The following HLCS variants were observed in gnomAD, a reference collection of about 807,000 sequenced individuals.
The protein encoded by HLCS is holocarboxylase synthetase, also known as biotin--protein ligase.
A neutral mutation model predicts 75.0 loss-of-function variants in HLCS; 53 were observed. The ratio of observed to expected loss-of-function variants is 0.71; its 90% CI spans 0.57 to 0.89. The LOEUF (loss-of-function observed/expected upper bound fraction) is 0.89, where lower values mean the gene tolerates loss of function less well. Among genes scored for constraint, HLCS ranks in the 40% least tolerant of loss-of-function variants. The pLI is 0.00. For synonymous variants in HLCS, 431 were observed against 428.6 expected (o/e 1.01, Z -0.07); for missense variants, 966 against 1,074.0 (o/e 0.90, Z 1.41).
chr21:36,818,620 G>A (rs557456083), intron 6 of HLCS, among the ~76,000 whole-genome samples: 2 of 152,300 alleles, frequency 1.3e-5, no homozygotes, highest in African/African-American at 4.8e-5. Flanking sequence ...TACGCTGGGG[G>A]AGGATGTGTT....
chr21:36,906,917 T>A (rs1331006940), intron 5 of HLCS, among the ~76,000 whole-genome samples: 2 of 152,194 alleles, frequency 1.3e-5, no homozygotes, highest in African/African-American at 4.8e-5. Context: ...TTGATTTTTT[T>A]TAATTTTTTT....
intron 6 of HLCS, among the ~76,000 whole-genome samples, chr21:36,889,243 T>C (rs2064668978): frequency 2.0e-5 from 3 of 152,184 alleles, no homozygotes. Context: ...TCTTTACAAA[T>C]ACAAAACGTC....
chr21:36,978,760 C>T (rs889529379), intron 1 of HLCS, among the ~76,000 whole-genome samples: 12 of 152,226 alleles, frequency 7.9e-5, no homozygotes, highest in Admixed American at 1.3e-4. Flanking sequence ...TACGTGTCAC[C>T]GAGCAAAGCA....
intron 5 of HLCS, among the ~76,000 whole-genome samples, chr21:36,911,345 C>A (rs1355069639): frequency 6.6e-6 from 1 of 152,172 alleles, no homozygotes; most frequent in African/African-American, 2.4e-5. Flanking sequence ...TTCTCTGGGG[C>A]CCTGATGATG....
At chr21:36,902,340 C>CA (rs2146357444) in intron 5 of HLCS, among the ~76,000 whole-genome samples, 1 of 152,258 alleles carries the variant, frequency 6.6e-6, no homozygotes, top group Non-Finnish European at 1.5e-5. Context: ...TCCAAAGGGC[C>CA]AAGTGGGGTG....
At chr21:36,838,392 T>C (rs1186418812) in intron 6 of HLCS, among the ~76,000 whole-genome samples, 1 of 151,788 alleles carries the variant, frequency 6.6e-6, no homozygotes, top group Non-Finnish European at 1.5e-5. Context: ...AAAAGGGTCT[T>C]TGCAGATAGA....
chr21:36,978,734 A>C (rs1049532182), intron 1 of HLCS, among the ~76,000 whole-genome samples: 2 of 152,172 alleles, frequency 1.3e-5, no homozygotes, highest in African/African-American at 4.8e-5. Context: ...ACCCTGTAGC[A>C]GACGCCTTGG....
intron 5 of HLCS, among the ~76,000 whole-genome samples, chr21:36,923,021 C>G (rs889337663): frequency 1.3e-5 from 2 of 152,236 alleles, no homozygotes; most frequent in African/African-American, 4.8e-5. Flanking sequence ...GCGCCAGACT[C>G]AACGGTTCCG....
intron 6 of HLCS, among the ~76,000 whole-genome samples, chr21:36,857,164 G>A (rs897844724): frequency 3.3e-5 from 5 of 152,170 alleles, no homozygotes; most frequent in Non-Finnish European, 7.3e-5. Context: ...TTGAAAACCC[G>A]TATCAGGATT....
At chr21:36,858,058 G>C (rs1441316008) in intron 6 of HLCS, among the ~76,000 whole-genome samples, 1 of 152,086 alleles carries the variant, frequency 6.6e-6, no homozygotes, top group African/African-American at 2.4e-5. Flanking sequence ...AAAGTGCTGG[G>C]ATTACAGGTG....
intron 1 of HLCS, among the ~76,000 whole-genome samples, chr21:36,988,643 T>C (rs1432805135): frequency 6.6e-6 from 1 of 152,228 alleles, no homozygotes; most frequent in Non-Finnish European, 1.5e-5. Context: ...TGTTCCTCTC[T>C]AGGAGTTGGA....
intron 6 of HLCS, among the ~76,000 whole-genome samples, chr21:36,889,750 G>C (rs148516468): frequency 1.9e-4 from 29 of 152,282 alleles, no homozygotes; most frequent in South Asian, 4.1e-4. Context: ...GACACAGACT[G>C]GACCCATGTC....
chr21:36,960,127 A>ACC (rs1226352304), intron 2 of HLCS, among the ~76,000 whole-genome samples: 10 of 7,200 alleles, frequency 1.4e-3, no homozygotes, highest in African/African-American at 2.0e-3. Context: ...GCATGGAGCC[A>ACC]CCCACCCCCC....
At chr21:36,850,703 C>G (rs899788843) in intron 6 of HLCS, among the ~76,000 whole-genome samples, 2 of 152,192 alleles carry the variant, frequency 1.3e-5, no homozygotes, top group African/African-American at 4.8e-5. Context: ...TCTTAAGATT[C>G]TGGGGTCGGG....
At chr21:36,983,714 G>A (rs929867744) in intron 1 of HLCS, among the ~76,000 whole-genome samples, 2 of 151,682 alleles carry the variant, frequency 1.3e-5, no homozygotes, top group African/African-American at 2.4e-5. Context: ...GCGGGCACCT[G>A]TAGTCCCAAC....
chr21:36,775,230 G>A lies in HLCS; in HGVS notation c.1893-7945C>T, dbSNP rs370354005. Among the ~76,000 whole-genome samples the A allele has an allele frequency of 5.9e-5, 9 of 152,310 alleles. No homozygotes were observed. In the South Asian group the frequency reaches 8.3e-4, roughly 14 times the overall value. ...TCTTCCCCACGTCCAGCATAAGAGC[G>A]TCCACATTGCTGCTAAATAAATCAT... On this transcript the variant is annotated intron_variant, in intron 6 of 10. Transcript: ENST00000674895.
rs1968034 is a variant in HLCS, at chr21:36,848,394, G to T, written c.1892+48466C>A. ...AAGCAATTCTCCTGCCTCAGCCTCC[G>T]GAGTAGCTGGGATTACAGGCACGCC... is the stretch of plus-strand genomic sequence containing the variant. On this transcript the variant is annotated intron_variant, in intron 6 of 10. Transcript: ENST00000674895. Among the ~76,000 whole-genome samples the T allele has an allele frequency of 5.3e-5, 8 of 151,782 alleles. 1 individual carries two copies. The South Asian group carries it at 6.3e-4, about 12-fold the overall frequency.
chr21:36,949,106 T>C (rs1312959453), intron 2 of HLCS, among the ~76,000 whole-genome samples: 3 of 152,130 alleles, frequency 2.0e-5, no homozygotes, highest in African/African-American at 7.2e-5. Context: ...TGATGTAAGC[T>C]GAGGAAGAAG....
chr21:36,785,569 G>A (rs1358232479), intron 6 of HLCS, among the ~76,000 whole-genome samples: 1 of 152,140 alleles, frequency 6.6e-6, no homozygotes, highest in African/African-American at 2.4e-5. Context: ...TGTACTGTTT[G>A]TTTAGTTTGA....
Sources: gnomAD v4.1 joint callset for allele counts (sites outside exome capture counted in the v4.1 genomes callset) on GRCh38, gnomAD v4.1.1 for gene constraint, MANE v1.5 for transcripts, NCBI Gene and HGNC (gene_info 2026-07-23, HGNC 2026-07-21) for gene names.